SNRPA: variants seen among roughly 807,000 people sequenced by gnomAD.
The protein encoded by SNRPA is U1 small nuclear ribonucleoprotein A.
A neutral mutation model predicts 24.5 loss-of-function variants in SNRPA; 10 were observed. The ratio of observed to expected loss-of-function variants is 0.41; its 90% CI spans 0.25 to 0.69. The LOEUF is 0.69. Among genes scored for constraint, SNRPA ranks in the 30% least tolerant of loss-of-function variants. SNRPA has a pLI of 0.33. For missense variants in SNRPA, 283 were observed against 394.7 expected, an observed-to-expected ratio of 0.72 and a Z score of 2.40; for synonymous variants, 165 against 148.4, an observed-to-expected ratio of 1.11 and a Z score of -0.81.
At chr19:40,753,856 G>T (rs1295929805) in intron 1 of SNRPA, among the ~76,000 whole-genome samples, 1 of 151,700 alleles carries the variant, frequency 6.6e-6, no homozygotes, top group Non-Finnish European at 1.5e-5. Flanking sequence ...GAGTGCAGTG[G>T]CACCATCTCT....
intron 2 of SNRPA, 112 bp downstream of exon 2, chr19:40,757,616 AC>A: frequency 9.6e-7 from 1 of 1,042,444 alleles, no homozygotes; most frequent in Non-Finnish European, 1.4e-6. Context: ...GTGAGGCTGG[AC>A]CAGGCTCCCA....
At chr19:40,752,067 C>G (rs1380854486) in intron 1 of SNRPA, among the ~76,000 whole-genome samples, 1 of 150,848 alleles carries the variant, frequency 6.6e-6, no homozygotes, top group Non-Finnish European at 1.5e-5. Context: ...GGCGCGGTGG[C>G]TCACCCCTGT....
chr19:40,761,121 A>G (rs2082929623), intron 3 of SNRPA, among the ~76,000 whole-genome samples: 1 of 145,706 alleles, frequency 6.9e-6, no homozygotes, highest in African/African-American at 2.6e-5. Flanking sequence ...CACCACGTCC[A>G]TGTGCAAAAA....
chr19:40,758,060 G>C (rs1170519364), intron 2 of SNRPA, among the ~76,000 whole-genome samples: 2 of 151,712 alleles, frequency 1.3e-5, no homozygotes, highest in Non-Finnish European at 2.9e-5. Flanking sequence ...TCCACCTCCC[G>C]GGTTCAAGTG....
Position 40,757,521 on chromosome 19 carries a change from C to T in SNRPA, c.246+17C>T, listed in dbSNP as rs182852470. ...AAACCTATGGTGAGCATTGCGGGTA[C>T]GGAGGCTGTGTGGGTGTGTAAAATG... On this transcript the variant is annotated intron_variant, in intron 2 of 5. Coordinates refer to ENST00000243563, the MANE Select transcript of SNRPA (RefSeq NM_004596.5). The T allele has an allele frequency of 1.9e-5, 30 of 1,599,148 alleles. No individual in the cohort carries two copies. The highest frequency in any genetic ancestry group is 6.7e-5 in the African/African-American group (5 of 74,308).
At chr19:40,759,034 C>G (rs1025554538) in intron 2 of SNRPA, among the ~76,000 whole-genome samples, 1 of 151,410 alleles carries the variant, frequency 6.6e-6, no homozygotes, top group African/African-American at 2.4e-5. Context: ...ATGGTGAAAC[C>G]CTGTCTCTAC....
Position 40,764,712 on chromosome 19 carries a change from T to G in SNRPA, c.690-296T>G, listed in dbSNP as rs566648699. ...AAAAAGTGAGGGTATTGGTTATTTT[T>G]TTGGTGTGGCGGGTGGGTTATGATT... On this transcript the variant is annotated intron_variant, in intron 5 of 5. Transcript: ENST00000243563. 2.0e-5 allele frequency among the ~76,000 whole-genome samples: 3 copies of G among 152,250 alleles called. No individual in the cohort carries two copies. In the South Asian group the frequency reaches 6.2e-4, roughly 32 times the overall value.
chr19:40,758,114 G>A (rs1051953851), intron 2 of SNRPA, among the ~76,000 whole-genome samples: 1 of 151,360 alleles, frequency 6.6e-6, no homozygotes, highest in Non-Finnish European at 1.5e-5. Flanking sequence ...TTACAGGCAC[G>A]TGCCACCATA....
rs923119780 is a variant in SNRPA, at chr19:40,758,092, G to C, written c.246+588G>C. Reference sequence around the variant, plus strand: ...AGTGATTCTCCTGCCTCAGCCTCCTGAGTAGCTGGGATTACAGGCACGTGC... The same window carrying C: ...AGTGATTCTCCTGCCTCAGCCTCCTCAGTAGCTGGGATTACAGGCACGTGC... On this transcript the variant is annotated intron_variant, in intron 2 of 5. Transcript: ENST00000243563. 1.2e-4 allele frequency among the ~76,000 whole-genome samples: 18 copies of C among 151,764 alleles called. No individual in the cohort carries two copies. The South Asian group carries it at 3.1e-3, about 26-fold the overall frequency.
At chr19:40,762,479 A>T (rs978708383) in intron 3 of SNRPA, among the ~76,000 whole-genome samples, 1 of 150,784 alleles carries the variant, frequency 6.6e-6, no homozygotes, top group Non-Finnish European at 1.5e-5. Context: ...GGCCTCCCAA[A>T]GTGTTAGGAT....
At chr19:40,764,524 A>G (rs764840554) in intron 5 of SNRPA, among the ~76,000 whole-genome samples, 63 of 152,146 alleles carry the variant, frequency 4.1e-4, no homozygotes, top group Non-Finnish European at 6.8e-4. Flanking sequence ...GAGAAACAGC[A>G]TATCAGAAAA....
intron 4 of SNRPA, 66 bp downstream of exon 4, chr19:40,763,140 C>A (rs376905668): frequency 1.6e-6 from 2 of 1,288,108 alleles, no homozygotes; most frequent in African/African-American, 1.5e-5. Flanking sequence ...AGAAAGGGAC[C>A]AGTTGGGGGG....
At chr19:40,764,558 G>A (rs868431730) in intron 5 of SNRPA, among the ~76,000 whole-genome samples, 1 of 152,268 alleles carries the variant, frequency 6.6e-6, no homozygotes, top group Middle Eastern at 3.4e-3. Flanking sequence ...CGGGTGCGGT[G>A]GCTCACGCCT....
chr19:40,764,079 T>C (rs2082944478), intron 5 of SNRPA, among the ~76,000 whole-genome samples: 1 of 152,194 alleles, frequency 6.6e-6, no homozygotes, highest in South Asian at 2.1e-4. Context: ...GAGATGGGGA[T>C]GCGTGAAACT....
chr19:40,756,369 G>A (rs570491066), intron 1 of SNRPA, among the ~76,000 whole-genome samples: 2 of 152,050 alleles, frequency 1.3e-5, no homozygotes, highest in Non-Finnish European at 2.9e-5. Flanking sequence ...GCCAAGGTGG[G>A]CTAATTGCTG....
chr19:40,763,339 C>T, intron 4 of SNRPA: 1 of 594,194 alleles, frequency 1.7e-6, no homozygotes, highest in Non-Finnish European at 3.0e-6. Context: ...CCTTACGTGC[C>T]AGGCCCCGTT....
intron 3 of SNRPA, among the ~76,000 whole-genome samples, chr19:40,762,635 A>G (rs2082937541): frequency 6.6e-6 from 1 of 152,090 alleles, no homozygotes; most frequent in African/African-American, 2.4e-5. Flanking sequence ...CTGTGGCACA[A>G]TCAGAGCTCA....
At chr19:40,762,121 C>T (rs1291137525) in intron 3 of SNRPA, among the ~76,000 whole-genome samples, 2 of 152,158 alleles carry the variant, frequency 1.3e-5, no homozygotes, top group Admixed American at 6.5e-5. Context: ...CCTGAGTGTG[C>T]TGCCTGCCAT....
intron 1 of SNRPA, among the ~76,000 whole-genome samples, chr19:40,756,745 A>T (rs1444674185): frequency 1.3e-5 from 2 of 152,216 alleles, no homozygotes; most frequent in Non-Finnish European, 2.9e-5. Context: ...AAGAAAAGGA[A>T]GTAGAGTAAG....
Sources: allele counts gnomAD v4.1 joint callset (sites outside exome capture counted in the v4.1 genomes callset), GRCh38; gene constraint gnomAD v4.1.1; transcripts MANE v1.5; gene names NCBI Gene and HGNC (gene_info 2026-07-23, HGNC 2026-07-21).